The following GRIPAP1 variants were observed in gnomAD, a reference collection of about 807,000 sequenced individuals.
GRIPAP1 encodes the protein GRIP1-associated protein 1.
In GRIPAP1, 14 loss-of-function variants were observed where a neutral mutation model predicts 84.1. The observed-to-expected ratio is 0.17, with a 90% confidence interval of 0.11 to 0.26. The LOEUF (loss-of-function observed/expected upper bound fraction) is 0.26. Ranked by LOEUF, GRIPAP1 falls within the 10% of genes least tolerant of loss-of-function variation. The pLI, the probability that GRIPAP1 is intolerant of heterozygous loss-of-function variation, is 1.00. For missense variants in GRIPAP1, 518 were observed against 674.2 expected (o/e 0.77, Z 2.57); for synonymous variants, 261 against 256.8 (o/e 1.02, Z -0.15).
intron 13 of GRIPAP1, among the ~76,000 whole-genome samples, chrX:48,985,845 G>A (rs782318887): frequency 1.6e-4 from 18 of 110,483 alleles, no homozygotes; most frequent in African/African-American, 5.6e-4. Flanking sequence ...TATGGTGGCG[G>A]GGAGAGAGAG....
At chrX:48,989,028 G>A (rs782119263) in intron 11 of GRIPAP1, among the ~76,000 whole-genome samples, 1 of 111,504 alleles carries the variant, frequency 9.0e-6, no homozygotes, top group East Asian at 2.8e-4. Flanking sequence ...GTCTCAGACT[G>A]ACCAGCTTTT....
chrX:48,986,266 A>G (rs1183275494), intron 13 of GRIPAP1, among the ~76,000 whole-genome samples: 1 of 107,592 alleles, frequency 9.3e-6, no homozygotes, highest in Non-Finnish European at 1.9e-5. Context: ...AAGCAGAGAT[A>G]GGCCAAGCAC....
chrX:48,999,197 A>C, intron 3 of GRIPAP1, 41 bp downstream of exon 3: 1 of 1,041,907 alleles, frequency 9.6e-7, no homozygotes, highest in Non-Finnish European at 1.3e-6. Flanking sequence ...GGTAGAAGCA[A>C]GGGTGGATGG....
chrX:48,979,971 G>A (rs782672813), intron 21 of GRIPAP1, among the ~76,000 whole-genome samples: 2 of 111,188 alleles, frequency 1.8e-5, no homozygotes, highest in African/African-American at 3.3e-5. Context: ...TCAGGAGACC[G>A]AGTGCCTCAG....
intron 11 of GRIPAP1, chrX:48,988,517 T>C: frequency 3.9e-6 from 1 of 256,681 alleles, no homozygotes; most frequent in Non-Finnish European, 7.1e-6. Context: ...GCTTGGGAGC[T>C]CCAGGATTCT....
At chrX:48,975,098 G>A (rs2064415268) in intron 25 of GRIPAP1, 57 bp downstream of exon 25, 1 of 1,134,898 alleles carries the variant, frequency 8.8e-7, no homozygotes, top group Admixed American at 2.3e-5. Flanking sequence ...GGGGCTATGT[G>A]GCTGGGTAGG....
At chrX:48,987,695 TC>T in intron 13 of GRIPAP1, 89 bp downstream of exon 13, 1 of 577,340 alleles carries the variant, frequency 1.7e-6, no homozygotes, top group Non-Finnish European at 2.9e-6. Flanking sequence ...CAGCATGGGG[TC>T]CAGACCACCC....
In GRIPAP1 at chrX:48,987,274, G is replaced by A. The variant is rs782441854; in HGVS notation, c.1041+511C>T. On this transcript the variant is annotated intron_variant, in intron 13 of 25. Coordinates refer to ENST00000376423, the MANE Select transcript of GRIPAP1 (RefSeq NM_020137.5). ...AGAGATTCTCCTGTCTCAGCCTCCCGAGTAGCTGGGATTACAGGCACACAC... is the reference window on the plus strand; with the variant it reads ...AGAGATTCTCCTGTCTCAGCCTCCCAAGTAGCTGGGATTACAGGCACACAC... 1.0e-4 allele frequency among the ~76,000 whole-genome samples: 10 copies of A among 99,957 alleles called. No individual in the cohort carries two copies. In the South Asian group the frequency reaches 1.5e-3, roughly 15 times the overall value. 86.8% of individuals were successfully genotyped at this position (99,957 alleles called of 115,157 possible).
At chrX:48,998,075 G>T in intron 4 of GRIPAP1, 79 bp downstream of exon 4, 2 of 735,848 alleles carry the variant, frequency 2.7e-6, no homozygotes, top group Non-Finnish European at 4.3e-6. Context: ...AGAAAGGCCA[G>T]TACAAGGAAA....
chrX:48,987,509 C>T (rs1217944622), intron 13 of GRIPAP1, among the ~76,000 whole-genome samples: 5 of 89,356 alleles, frequency 5.6e-5, no homozygotes, highest in African/African-American at 2.2e-4. Flanking sequence ...TACAGTGGTG[C>T]GATCTCGGCT....
rs2064459373 is a variant in GRIPAP1, at chrX:48,981,842, C to T, written c.1630G>A (p.Glu544Lys). Reference protein sequence around the residue: ...ESLQQQQQEQEEALKQCREQH... With the variant: ...ESLQQQQQEQKEALKQCREQH... ...TCCCGACACTGCTTGAGGGCTTCCT[C>T]TTGTTCCTGCTGCTGCTGCTGCAGG... The change falls in exon 18 of 26, where the codon GAG (glutamate) becomes AAG (lysine). Residue 544 changes from glutamate to lysine, a missense_variant. By Grantham distance (56) the Glu-to-Lys change is moderately conservative. Coordinates refer to ENST00000376423, the MANE Select transcript of GRIPAP1 (RefSeq NM_020137.5). 5.1e-6 allele frequency: 6 copies of T among 1,167,883 alleles called. No individual in the cohort carries two copies. Among genetic ancestry groups the T allele is most frequent in the Non-Finnish European group, 6.9e-6 (6 of 872,616 alleles).
At position 48,997,252 on chromosome X, in the gene GRIPAP1, T is replaced by C; in HGVS notation, c.304A>G (p.Lys102Glu). Residue 102 changes from lysine to glutamate, a missense_variant and splice_region_variant, in exon 5 of 26, where the codon AAG becomes GAG. Physicochemically the swap from Lys to Glu is moderately conservative, Grantham distance 56. Coordinates refer to ENST00000376423, the MANE Select transcript of GRIPAP1 (RefSeq NM_020137.5). ...QNSTLMAEFS[K>E]LCSQMEQLEQ... Reference sequence around the variant, plus strand: ...TTGACTATCCCAGGCACCAGCACCTTGCTGAACTCGGCCATTAGTGTGCTG... The same window carrying C: ...TTGACTATCCCAGGCACCAGCACCTCGCTGAACTCGGCCATTAGTGTGCTG... The C allele has an allele frequency of 1.8e-6, 2 of 1,108,326 alleles. No homozygotes were observed. The highest frequency in any genetic ancestry group is 2.5e-6 in the Non-Finnish European group (2 of 809,829). 91.3% of individuals were successfully genotyped at this position (1,108,326 alleles called of 1,213,427 possible).
intron 22 of GRIPAP1, 162 bp downstream of exon 22, chrX:48,978,143 G>A: frequency 4.1e-6 from 2 of 483,812 alleles, no homozygotes; most frequent in Non-Finnish European, 7.1e-6. Context: ...CCTGCATGTC[G>A]CAATCTGAAT....
At chrX:48,978,274 C>A (rs2064433583) in intron 22 of GRIPAP1, 31 bp downstream of exon 22, 2 of 1,203,431 alleles carry the variant, frequency 1.7e-6, no homozygotes, top group East Asian at 3.0e-5. Flanking sequence ...TTGAGAGAAG[C>A]TGGAGCTGTA....
chrX:48,990,395 A>G (rs2064513509), intron 8 of GRIPAP1, among the ~76,000 whole-genome samples: 1 of 112,282 alleles, frequency 8.9e-6, no homozygotes, highest in African/African-American at 3.2e-5. Flanking sequence ...AGGTCCTAAG[A>G]TAAGAGCCAG....
At position 48,975,171 on chromosome X, in the gene GRIPAP1, T is replaced by C. The variant is rs2064415824; in HGVS notation, c.2417A>G (p.Asn806Ser). The C allele has an allele frequency of 1.7e-6, 2 of 1,207,476 alleles. No homozygotes were observed. Among genetic ancestry groups the C allele is most frequent in the Non-Finnish European group, 2.2e-6 (2 of 893,996 alleles). The change falls in exon 25 of 26, where the codon AAT becomes AGT. Residue 806 changes from asparagine (N) to serine (S), a missense_variant. Physicochemically the swap from Asn to Ser is conservative, Grantham distance 46. Transcript: ENST00000376423. ...QNMLEEQLTK[N>S]MHLHKDMEVL... The stretch of plus-strand genomic sequence containing the variant: ...CACACTTGCCTTGTGCAAGTGCATA[T>C]TCTTGGTGAGCTGCTCCTCCAGCAT...
Position 48,985,356 on chromosome X carries a change from G to T in GRIPAP1, c.1088C>A (p.Thr363Asn). ...TQELNMLREQ[T>N]TGLAAELQQQ... ...CTGCAACTCAGCTGCCAGCCCAGTG[G>T]TCTGTTCCCGGAGCATATTCAGTTC... The change falls in exon 14 of 26, where the codon ACC becomes AAC. Residue 363 changes from threonine (T) to asparagine (N), a missense_variant. Physicochemically the swap from Thr to Asn is moderately conservative, Grantham distance 65 (BLOSUM62 0). Coordinates refer to ENST00000376423, the MANE Select transcript of GRIPAP1 (RefSeq NM_020137.5). 1 of 1,207,046 alleles carries T rather than the reference G, an allele frequency of 8.3e-7. No homozygotes were observed. The highest frequency in any genetic ancestry group is 1.1e-6 in the Non-Finnish European group (1 of 891,268).
At chrX:48,975,945 C>T (rs183796071) in intron 24 of GRIPAP1, 73 bp downstream of exon 24, 11 of 875,058 alleles carry the variant, frequency 1.3e-5, no homozygotes, top group East Asian at 1.3e-4. Context: ...GGAGAGAAGC[C>T]GCAGCACAGA....
In GRIPAP1 at chrX:48,976,037, G is replaced by A. The variant is rs782336703; in HGVS notation, c.2259C>T (p.Tyr753=). 2 of 1,210,727 alleles carry A rather than the reference G, an allele frequency of 1.7e-6. No homozygotes were observed. Among genetic ancestry groups the A allele is most frequent in the Admixed American group, 2.2e-5 (1 of 46,066 alleles). The part of the protein sequence containing the change: ...LCRKSAIIET[Y]VMDSRIDVSV... The stretch of plus-strand genomic sequence containing the variant: ...ACTGACCGATCCGGCTGTCCATGAC[G>A]TAGGTCTCAATGATGGCGCTCTTCC... Residue 753 remains tyrosine (Y), a synonymous_variant, in exon 24 of 26, where the codon TAC becomes TAT. Coordinates refer to ENST00000376423, the MANE Select transcript of GRIPAP1 (RefSeq NM_020137.5).
Sources: gnomAD v4.1 joint callset for allele counts (sites outside exome capture counted in the v4.1 genomes callset) on GRCh38, gnomAD v4.1.1 for gene constraint, MANE v1.5 for transcripts, NCBI Gene and HGNC (gene_info 2026-07-23, HGNC 2026-07-21) for gene names.